PRELP: variants seen among roughly 807,000 people sequenced by gnomAD.
The protein encoded by PRELP is proline and arginine rich end leucine rich repeat protein.
In PRELP, 16 loss-of-function variants were observed where a neutral mutation model predicts 22.8. The observed-to-expected ratio is 0.70, with a 90% confidence interval of 0.47 to 1.06. The LOEUF is 1.06. Among genes scored for constraint, PRELP ranks in the 50% least tolerant of loss-of-function variants. The pLI, the probability that PRELP is intolerant of heterozygous loss-of-function variation, is 0.00. For missense variants in PRELP, 434 were observed against 485.2 expected (o/e 0.89, Z 0.99); for synonymous variants, 233 against 211.4 (o/e 1.10, Z -0.89).
Position 203,486,826 on chromosome 1 carries a change from C to T in PRELP, c.1094C>T (p.Pro365Leu), listed in dbSNP as rs769867872. Reference sequence around the variant, plus strand: ...CTGGATGGAAACTACTTGAAGCCGCCCATCCCGCTGGACCTCATGATGTGC... The same window carrying T: ...CTGGATGGAAACTACTTGAAGCCGCTCATCCCGCTGGACCTCATGATGTGC... ...LRLDGNYLKP[P>L]IPLDLMMCFR... is the part of the protein sequence containing the mutation. Residue 365 changes from proline to leucine, a missense_variant, in exon 3 of 3, where the codon CCC (proline) becomes CTC (leucine). By Grantham distance (98) the Pro-to-Leu change is moderately conservative (BLOSUM62 -3). Transcript: ENST00000343110. 7 of 1,614,102 alleles carry T rather than the reference C, an allele frequency of 4.3e-6. No individual in the cohort carries two copies. The highest frequency in any genetic ancestry group is 4.2e-6 in the Non-Finnish European group (5 of 1,180,050).
chr1:203,485,676 T>TA (rs2102210753), intron 2 of PRELP, among the ~76,000 whole-genome samples: 1 of 152,270 alleles, frequency 6.6e-6, no homozygotes, highest in South Asian at 2.1e-4. Context: ...GCCCTTCTGC[T>TA]ACTCCAATGG....
rs1468223876 is a variant in PRELP at position 203,483,208 on chromosome 1, C to T, written c.24C>T (p.Leu8=). 3.9e-6 allele frequency: 6 copies of T among 1,557,348 alleles called. No homozygotes were observed. The East Asian group carries it at 1.4e-4, about 35-fold the overall frequency. The change falls in exon 2 of 3, where the codon CTC becomes CTT. Residue 8 remains leucine (L), a synonymous_variant. Transcript: ENST00000343110. The surrounding 1 kb of genome is among the most constrained non-coding windows in gnomAD (Gnocchi z 4.4). The part of the protein sequence containing the change: MRSPLCW[L]LPLLILASVA... ...TCATGAGGTCACCCCTCTGCTGGCT[C>T]CTCCCACTTCTCATCTTGGCCTCAG...
In PRELP at chr1:203,489,100, T is replaced by C. The variant is rs1661146479; in HGVS notation, c.*2219T>C. On this transcript the variant is annotated 3_prime_UTR_variant, in exon 3 of 3. Transcript: ENST00000343110. ...CTGCAGCTGGTTTCTTCAAGGCTCC[T>C]GCTTAAAGTCCACACGTTATTATGG... 1 of 152,644 alleles carries C rather than the reference T, an allele frequency of 6.6e-6. No homozygotes were observed. Among genetic ancestry groups the C allele is most frequent in the Admixed American group, 6.5e-5 (1 of 15,290 alleles). 9.5% of individuals were successfully genotyped at this position (152,644 alleles called of 1,614,324 possible). A position where few individuals can be genotyped will look rare whatever the true frequency, so the allele number is the denominator to read the frequency against.
chr1:203,482,264 A>G (rs1661013493), intron 1 of PRELP, among the ~76,000 whole-genome samples: 1 of 150,592 alleles, frequency 6.6e-6, no homozygotes. Context: ...CTCGGAGTCC[A>G]GTGTGCTTTC....
At chr1:203,481,904 A>G (rs566718470) in intron 1 of PRELP, among the ~76,000 whole-genome samples, 44 of 152,284 alleles carry the variant, frequency 2.9e-4, no homozygotes, top group African/African-American at 1.1e-3. Flanking sequence ...TAGCAAAGAA[A>G]CGTGTCCCCT....
rs1661160811 is a variant in PRELP at position 203,489,851 on chromosome 1, G to C, written c.*2970G>C. The C allele has an allele frequency of 6.6e-6, 1 of 152,322 alleles. No homozygotes were observed. The highest frequency in any genetic ancestry group is 6.5e-5 in the Admixed American group (1 of 15,302). 9.4% of individuals were successfully genotyped at this position (152,322 alleles called of 1,614,324 possible). ...ACATGCCTGTAGTCCCAGCTACTTG[G>C]GAGGCTGAGGCAGGAGAATTGCTTG... On this transcript the variant is annotated 3_prime_UTR_variant, in exon 3 of 3. Transcript: ENST00000343110.
At chr1:203,484,883 G>A (rs1404829766) in intron 2 of PRELP, among the ~76,000 whole-genome samples, 1 of 152,174 alleles carries the variant, frequency 6.6e-6, no homozygotes, top group Non-Finnish European at 1.5e-5. Context: ...ATTTCAGCTC[G>A]GAGCAGAGCA....
At chr1:203,476,912 G>C (rs1660920459) in intron 1 of PRELP, among the ~76,000 whole-genome samples, 1 of 150,570 alleles carries the variant, frequency 6.6e-6, no homozygotes, top group Non-Finnish European at 1.5e-5. Flanking sequence ...CAACCATTTA[G>C]GTTGGCAAAA....
Position 203,491,251 on chromosome 1 carries a change from CAT to C in PRELP, c.*4371_*4372del, listed in dbSNP as rs907121588. 9 of 152,108 alleles carry C rather than the reference CAT, an allele frequency of 5.9e-5. No homozygotes were observed. The highest frequency in any genetic ancestry group is 2.2e-4 in the African/African-American group (9 of 41,400). The allele number at this position is 152,108 out of a possible 1,614,324, so 9.4% of individuals were successfully genotyped here. ...ACTGTAATTTTCCATTACCTACCCACATCTTATAAAATGGCCCCATCCCTATC... is the reference window on the plus strand; with the variant it reads ...ACTGTAATTTTCCATTACCTACCCACCTTATAAAATGGCCCCATCCCTATC... On this transcript the variant is annotated 3_prime_UTR_variant, in exon 3 of 3. Coordinates refer to ENST00000343110, the MANE Select transcript of PRELP (RefSeq NM_002725.4). The surrounding 1 kb of genome is among the most constrained non-coding windows in gnomAD (Gnocchi z 4.4).
chr1:203,477,834 G>A (rs892093518), intron 1 of PRELP, among the ~76,000 whole-genome samples: 1 of 152,152 alleles, frequency 6.6e-6, no homozygotes, highest in Non-Finnish European at 1.5e-5. Context: ...AGAAAGCATC[G>A]GTGAGAAGTT....
rs945320042 is a variant in PRELP at position 203,488,599 on chromosome 1, A to G, written c.*1718A>G. 2.0e-5 allele frequency: 3 copies of G among 152,166 alleles called. No individual in the cohort carries two copies. The highest frequency in any genetic ancestry group is 4.4e-5 in the Non-Finnish European group (3 of 68,038). 9.4% of individuals were successfully genotyped at this position (152,166 alleles called of 1,614,324 possible). A position where few individuals can be genotyped will look rare whatever the true frequency, so the allele number is the denominator to read the frequency against. On this transcript the variant is annotated 3_prime_UTR_variant, in exon 3 of 3. Transcript: ENST00000343110. ...AGTCTGCAGCTCCACACTTTAAATC[A>G]TACTCGAATGCAGGACAAGTCCTAA...
At chr1:203,481,462 T>C (rs954080949) in intron 1 of PRELP, among the ~76,000 whole-genome samples, 1 of 152,214 alleles carries the variant, frequency 6.6e-6, no homozygotes, top group South Asian at 2.1e-4. Context: ...TGCCTTCTCT[T>C]TTTAACCCTT....
At chr1:203,482,471 T>C (rs1315733023) in intron 1 of PRELP, among the ~76,000 whole-genome samples, 1 of 150,530 alleles carries the variant, frequency 6.6e-6, no homozygotes, top group Non-Finnish European at 1.5e-5. Context: ...AGAGATGGGG[T>C]TTCTCCATGT....
Position 203,484,168 on chromosome 1 carries a change from T to TGGGGGGGGG in PRELP, c.973+14_973+15insGGGGGGGGG. 5.2e-6 allele frequency: 3 copies of TGGGGGGGGG among 576,376 alleles called. No individual in the cohort carries two copies. Among genetic ancestry groups the TGGGGGGGGG allele is most frequent in the Non-Finnish European group, 9.5e-6 (3 of 314,274 alleles). 35.7% of individuals were successfully genotyped at this position (576,376 alleles called of 1,614,324 possible). On this transcript the variant is annotated intron_variant, in intron 2 of 2. Transcript: ENST00000343110. ...ACAATAGCATCGAGAGTGAGTGGGG[T>TGGGGGGGGG]GGGCCGGGGCGGGGCCGAAGGCAAG...
chr1:203,488,701 T>G lies in PRELP; in HGVS notation c.*1820T>G, dbSNP rs1661140505. 6.6e-6 allele frequency: 1 copy of G among 152,150 alleles called. No individual in the cohort carries two copies. Among genetic ancestry groups the G allele is most frequent in the Non-Finnish European group, 1.5e-5 (1 of 68,066 alleles). The allele number at this position is 152,150 out of a possible 1,614,324, so 9.4% of individuals were successfully genotyped here. A position where few individuals can be genotyped will look rare whatever the true frequency, so the allele number is the denominator to read the frequency against. On this transcript the variant is annotated 3_prime_UTR_variant, in exon 3 of 3. Transcript: ENST00000343110. ...CCCCAGAGGCTTCCCCACCCTCCATTGCCTGGCCCAGGTGAGCAGCTTGGC... is the reference window on the plus strand; with the variant it reads ...CCCCAGAGGCTTCCCCACCCTCCATGGCCTGGCCCAGGTGAGCAGCTTGGC...
In PRELP at chr1:203,486,746, G is replaced by A. The variant is rs200227595; in HGVS notation, c.1014G>A (p.Ala338=). The A allele has an allele frequency of 6.8e-6, 11 of 1,613,964 alleles. No homozygotes were observed. The East Asian group carries it at 8.9e-5, about 13-fold the overall frequency. The stretch of plus-strand genomic sequence containing the variant: ...AGATTTGCCCCAACGACCTAGTGGC[G>A]TTCCATGACTTCTCCTCGGACCTGG... ...GTQICPNDLV[A]FHDFSSDLEN... The change falls in exon 3 of 3, where the codon GCG becomes GCA. Residue 338 remains alanine, a synonymous_variant. Coordinates refer to ENST00000343110, the MANE Select transcript of PRELP (RefSeq NM_002725.4).
rs142996887 is a variant in PRELP, at chr1:203,483,599, C to T, written c.415C>T (p.Arg139Cys). ...GATTAACCTGGACAACAACCGAATCCGCAAGATAGACCAGAGGGTGCTGGA... is the reference window on the plus strand; with the variant it reads ...GATTAACCTGGACAACAACCGAATCTGCAAGATAGACCAGAGGGTGCTGGA... ...RWINLDNNRI[R>C]KIDQRVLEKL... is the part of the protein sequence containing the mutation. Residue 139 changes from arginine (R) to cysteine (C), a missense_variant, in exon 2 of 3, where the codon CGC (arginine) becomes TGC (cysteine). By Grantham distance (180) the Arg-to-Cys change is radical. Coordinates refer to ENST00000343110, the MANE Select transcript of PRELP (RefSeq NM_002725.4). The surrounding 1 kb of genome is among the most constrained non-coding windows in gnomAD (Gnocchi z 4.4). The T allele has an allele frequency of 1.6e-5, 26 of 1,614,228 alleles. No individual in the cohort carries two copies. Among genetic ancestry groups the T allele is most frequent in the African/African-American group, 1.2e-4 (9 of 75,056 alleles).
chr1:203,475,888 T>C lies in PRELP; in HGVS notation c.-67T>C, dbSNP rs1406987110. On this transcript the variant is annotated 5_prime_UTR_variant, in exon 1 of 3. Coordinates refer to ENST00000343110, the MANE Select transcript of PRELP (RefSeq NM_002725.4). ...CCACAGCTCCGCCGAAGGGAGGGGG[T>C]GGAAGAGGAGGACTAAACTCAGAGC... 2 of 152,450 alleles carry C rather than the reference T, an allele frequency of 1.3e-5. No individual in the cohort carries two copies. Among genetic ancestry groups the C allele is most frequent in the Non-Finnish European group, 2.9e-5 (2 of 68,324 alleles). The allele number at this position is 152,450 out of a possible 1,614,324, so 9.4% of individuals were successfully genotyped here. A position where few individuals can be genotyped will look rare whatever the true frequency, so the allele number is the denominator to read the frequency against.
intron 1 of PRELP, among the ~76,000 whole-genome samples, chr1:203,481,560 A>G (rs1661000370): frequency 6.6e-6 from 1 of 152,228 alleles, no homozygotes; most frequent in Non-Finnish European, 1.5e-5. Flanking sequence ...GAGGCCAGGG[A>G]AAATGGCCTT....
Sources: gnomAD v4.1 joint callset for allele counts (sites outside exome capture counted in the v4.1 genomes callset) on GRCh38, gnomAD v4.1.1 for gene constraint, Gnocchi (gnomAD v3.1) non-coding constraint, MANE v1.5 for transcripts, NCBI Gene and HGNC (gene_info 2026-07-23, HGNC 2026-07-21) for gene names.